THSD4: variants seen among roughly 807,000 people sequenced by gnomAD.
The protein encoded by THSD4 is thrombospondin type-1 domain-containing protein 4.
A neutral mutation model predicts 119.0 loss-of-function variants in THSD4; 69 were observed. That is an observed-to-expected ratio of 0.58 (90% CI 0.48 to 0.71). The LOEUF is 0.71. THSD4 is among the 30% of genes least tolerant of loss of function. The probability of loss-of-function intolerance (pLI) is 0.00; values close to 1 mark genes in which losing one functional copy is unlikely to be tolerated. For synonymous variants in THSD4, 524 were observed against 540.4 expected, an observed-to-expected ratio of 0.97 and a Z score of 0.42; for missense variants, 1,393 against 1,391.1, an observed-to-expected ratio of 1.00 and a Z score of -0.02.
chr15:71,158,573 A>AT (rs2043223742), intron 3 of THSD4, among the ~76,000 whole-genome samples: 1 of 150,466 alleles, frequency 6.6e-6, no homozygotes, highest in Admixed American at 6.6e-5. Context: ...TTCAAAATAT[A>AT]TTTTTTGGCC....
At chr15:71,369,184 G>T (rs1219373884) in intron 6 of THSD4, among the ~76,000 whole-genome samples, 1 of 152,340 alleles carries the variant, frequency 6.6e-6, no homozygotes, top group East Asian at 1.9e-4. Flanking sequence ...ATTTTGGGCT[G>T]TGACAATGGG....
At chr15:71,151,935 A>G (rs1596227100) in intron 2 of THSD4, among the ~76,000 whole-genome samples, 1 of 152,188 alleles carries the variant, frequency 6.6e-6, no homozygotes, top group Admixed American at 6.5e-5. Context: ...AATAGCACAG[A>G]TCTGTGTATC....
chr15:71,532,498 G>A (rs1037398761), intron 7 of THSD4, among the ~76,000 whole-genome samples: 2 of 151,130 alleles, frequency 1.3e-5, no homozygotes, highest in African/African-American at 2.4e-5. Context: ...TGTATTTTTA[G>A]TAGAGACGAG....
chr15:71,457,844 C>G (rs961175563), intron 7 of THSD4, among the ~76,000 whole-genome samples: 1 of 152,192 alleles, frequency 6.6e-6, no homozygotes, highest in Non-Finnish European at 1.5e-5. Context: ...TGTTTATGGC[C>G]TGTCTTCCTC....
chr15:71,362,068 G>T (rs890567669), intron 6 of THSD4, among the ~76,000 whole-genome samples: 1 of 152,222 alleles, frequency 6.6e-6, no homozygotes, highest in African/African-American at 2.4e-5. Flanking sequence ...CTTGAGGTCA[G>T]GAGTTTGAGA....
chr15:71,708,403 G>A (rs970250819), intron 8 of THSD4, among the ~76,000 whole-genome samples: 2 of 152,196 alleles, frequency 1.3e-5, no homozygotes. Flanking sequence ...CTTGTCTTTA[G>A]CCCAACCCAT....
chr15:71,274,636 C>A (rs778982238), intron 6 of THSD4, among the ~76,000 whole-genome samples: 4 of 152,132 alleles, frequency 2.6e-5, no homozygotes, highest in Non-Finnish European at 5.9e-5. Flanking sequence ...CTCACACCCA[C>A]ACCATGTTTC....
At chr15:71,189,880 T>C (rs1166728802) in intron 3 of THSD4, among the ~76,000 whole-genome samples, 4 of 152,172 alleles carry the variant, frequency 2.6e-5, no homozygotes, top group Non-Finnish European at 5.9e-5. Context: ...GGCCTAAGCA[T>C]TGCATTCCAT....
At chr15:71,149,460 G>T (rs1444135719) in intron 2 of THSD4, among the ~76,000 whole-genome samples, 1 of 151,930 alleles carries the variant, frequency 6.6e-6, no homozygotes, top group Non-Finnish European at 1.5e-5. Flanking sequence ...TCGAGACCAG[G>T]CTGGTCTCGA....
intron 8 of THSD4, among the ~76,000 whole-genome samples, chr15:71,684,347 T>C (rs1231668653): frequency 6.6e-6 from 1 of 152,120 alleles, no homozygotes; most frequent in Non-Finnish European, 1.5e-5. Flanking sequence ...TCCTTTCCAA[T>C]AGTAATTACT....
rs139855693 is a variant in THSD4, at chr15:71,703,195, G to A, written c.1358-25354G>A. Among the ~76,000 whole-genome samples, 838 of 152,138 alleles carry A rather than the reference G, an allele frequency of 5.5e-3. 15 individuals are homozygous for A. The highest frequency in any genetic ancestry group is 0.019 in the African/African-American group (771 of 41,490). On this transcript the variant is annotated intron_variant, in intron 8 of 17. Coordinates refer to ENST00000261862, the MANE Select transcript of THSD4 (RefSeq NM_024817.3). ...TTGCCATGTTGGCCAGGCTGGTCTC[G>A]AACCCCCAACCTCAGGTGATCTAGC...
chr15:71,350,936 T>TA (rs1191470190), intron 6 of THSD4, among the ~76,000 whole-genome samples: 4 of 152,202 alleles, frequency 2.6e-5, no homozygotes. Flanking sequence ...GCTGACCTGA[T>TA]ACATGAGACC....
intron 7 of THSD4, among the ~76,000 whole-genome samples, chr15:71,567,706 C>T (rs781484288): frequency 3.9e-5 from 6 of 151,904 alleles, no homozygotes; most frequent in Non-Finnish European, 8.8e-5. Context: ...GCAGAGGATC[C>T]ACAAGAGGAA....
chr15:71,515,428 G>T lies in THSD4; in HGVS notation c.1152+103605G>T, dbSNP rs549998676. Among the ~76,000 whole-genome samples, 5 of 152,262 alleles carry T rather than the reference G, an allele frequency of 3.3e-5. No homozygotes were observed. In the East Asian group the frequency reaches 7.7e-4, roughly 24 times the overall value. ...AGCCAGAAACAGAAGTGATCCTGGG[G>T]TCAGAGTACCTGGGTTTCAGGGCTG... On this transcript the variant is annotated intron_variant, in intron 7 of 17. Coordinates refer to ENST00000261862, the MANE Select transcript of THSD4 (RefSeq NM_024817.3).
At chr15:71,757,758 GC>G in intron 14 of THSD4, 143 bp from the exon 15 acceptor site, 2 of 972,008 alleles carry the variant, frequency 2.1e-6, no homozygotes, top group Non-Finnish European at 3.1e-6. Flanking sequence ...AATGGAGTAG[GC>G]TATGCACGAG....
intron 7 of THSD4, among the ~76,000 whole-genome samples, chr15:71,426,075 C>T (rs113862169): frequency 2.6e-5 from 4 of 152,266 alleles, no homozygotes; most frequent in Non-Finnish European, 5.9e-5. Context: ...TTCTGGCTCC[C>T]GAACTCCTCC....
chr15:71,231,464 T>C (rs2044060996), intron 4 of THSD4, among the ~76,000 whole-genome samples: 1 of 152,312 alleles, frequency 6.6e-6, no homozygotes, highest in South Asian at 2.1e-4. Flanking sequence ...ACCTTTCTGC[T>C]TCCTCTGCCT....
At chr15:71,542,445 T>G (rs948212090) in intron 7 of THSD4, among the ~76,000 whole-genome samples, 2 of 152,130 alleles carry the variant, frequency 1.3e-5, no homozygotes, top group Admixed American at 6.5e-5. Context: ...AACCACATGG[T>G]CAAGGTTAAC....
chr15:71,363,943 GA>G (rs764287597), intron 6 of THSD4, among the ~76,000 whole-genome samples: 11 of 152,202 alleles, frequency 7.2e-5, no homozygotes, highest in Non-Finnish European at 1.3e-4. Context: ...AAGATATTCA[GA>G]AATCTTTTCT....
Sources: gnomAD v4.1 joint callset for allele counts (sites outside exome capture counted in the v4.1 genomes callset) on GRCh38, gnomAD v4.1.1 for gene constraint, MANE v1.5 for transcripts, NCBI Gene and HGNC (gene_info 2026-07-23, HGNC 2026-07-21) for gene names.